CATSPERE: variants seen among roughly 807,000 people sequenced by gnomAD.
CATSPERE encodes cation channel sperm-associated auxiliary subunit epsilon.
In CATSPERE, 93 loss-of-function variants were observed where a neutral mutation model predicts 114.1. The observed-to-expected ratio is 0.81, with a 90% CI of 0.69 to 0.97. CATSPERE has a LOEUF of 0.97. Ranked by LOEUF, CATSPERE falls within the 50% of genes least tolerant of loss-of-function variation. The pLI is 0.00. For missense variants in CATSPERE, 1,058 were observed against 1,131.6 expected (o/e 0.93, Z 0.93); for synonymous variants, 341 against 384.1 (o/e 0.89, Z 1.31).
At chr1:244,469,092 G>A (rs546170052) in intron 2 of CATSPERE, among the ~76,000 whole-genome samples, 55 of 152,292 alleles carry the variant, frequency 3.6e-4, no homozygotes, top group African/African-American at 1.2e-3. Context: ...GGTAAGCATA[G>A]TGGGAACTTT....
chr1:244,608,816 C>G (rs1325208094), intron 18 of CATSPERE, among the ~76,000 whole-genome samples: 1 of 152,070 alleles, frequency 6.6e-6, no homozygotes, highest in Admixed American at 6.6e-5. Flanking sequence ...TCTCATTTTT[C>G]CCAGTATTAT....
At chr1:244,513,935 G>C (rs1009966594) in intron 7 of CATSPERE, among the ~76,000 whole-genome samples, 2 of 152,140 alleles carry the variant, frequency 1.3e-5, no homozygotes, top group African/African-American at 4.8e-5. Flanking sequence ...TTTTTAATTA[G>C]GTTGTTTGGT....
chr1:244,521,913 A>G (rs1469534906), intron 8 of CATSPERE, among the ~76,000 whole-genome samples: 1 of 146,488 alleles, frequency 6.8e-6, no homozygotes, highest in Non-Finnish European at 1.5e-5. Flanking sequence ...TGAGACTGTC[A>G]ACATTAGATC....
At chr1:244,500,405 A>G (rs1673846614) in intron 7 of CATSPERE, among the ~76,000 whole-genome samples, 1 of 152,146 alleles carries the variant, frequency 6.6e-6, no homozygotes, top group Admixed American at 6.5e-5. Context: ...TGTTTTAGTC[A>G]TGAAGTCTTT....
chr1:244,610,490 CT>C, intron 19 of CATSPERE, 164 bp downstream of exon 19: 1 of 699,670 alleles, frequency 1.4e-6, no homozygotes, highest in South Asian at 1.5e-5. Context: ...AATGCTTCAT[CT>C]TAATTTCTGT....
At chr1:244,619,600 T>C (rs1022937138) in intron 20 of CATSPERE, among the ~76,000 whole-genome samples, 2 of 152,080 alleles carry the variant, frequency 1.3e-5, no homozygotes, top group Non-Finnish European at 2.9e-5. Flanking sequence ...CCGAATGCCA[T>C]GGGGACAAGA....
intron 8 of CATSPERE, among the ~76,000 whole-genome samples, 183 bp from the exon 9 acceptor site, chr1:244,552,139 G>C (rs1258683065): frequency 6.6e-6 from 1 of 150,386 alleles, no homozygotes; most frequent in Non-Finnish European, 1.5e-5. Flanking sequence ...AGTCAAGATT[G>C]TGTTCCTTTG....
chr1:244,514,713 C>T (rs970697922), intron 7 of CATSPERE, among the ~76,000 whole-genome samples: 2 of 151,500 alleles, frequency 1.3e-5, no homozygotes, highest in Non-Finnish European at 2.9e-5. Flanking sequence ...CCTGTAGTCC[C>T]AGCTACTCAG....
intron 20 of CATSPERE, among the ~76,000 whole-genome samples, chr1:244,629,570 C>T (rs1673660637): frequency 8.0e-6 from 1 of 125,550 alleles, no homozygotes; most frequent in Non-Finnish European, 1.6e-5. Flanking sequence ...TGGTCTTGAA[C>T]TCCTTGCCTC....
chr1:244,592,070 C>T (rs984504961), intron 15 of CATSPERE, among the ~76,000 whole-genome samples: 1 of 152,046 alleles, frequency 6.6e-6, no homozygotes. Flanking sequence ...TGACTGAAGC[C>T]GGGTACAGTG....
At chr1:244,588,340 C>A (rs1667291439) in intron 13 of CATSPERE, 142 bp from the exon 14 acceptor site, 1 of 540,624 alleles carries the variant, frequency 1.8e-6, no homozygotes, top group Non-Finnish European at 3.3e-6. Context: ...AGGAAGAAAA[C>A]AGTGCAGAGC....
At position 244,610,315 on chromosome 1, in the gene CATSPERE, T is replaced by G. The variant is rs1670537925; in HGVS notation, c.2479T>G (p.Trp827Gly). The change falls in exon 19 of 22, where the codon TGG becomes GGG. Residue 827 changes from tryptophan to glycine, a missense_variant. Physicochemically the swap from Trp to Gly is radical, Grantham distance 184. Transcript: ENST00000366534. ...LNKHLPLEEV[W>G]GPENYKHCFS... Reference sequence around the variant, plus strand: ...CAAGCACCTCCCACTAGAAGAAGTCTGGGGACCTGAGGTAAGAGAAACATT... The same window carrying G: ...CAAGCACCTCCCACTAGAAGAAGTCGGGGGACCTGAGGTAAGAGAAACATT... The G allele has an allele frequency of 6.2e-7, 1 of 1,610,250 alleles. No homozygotes were observed. Among genetic ancestry groups the G allele is most frequent in the Non-Finnish European group, 8.5e-7 (1 of 1,176,680 alleles).
intron 8 of CATSPERE, among the ~76,000 whole-genome samples, chr1:244,531,755 A>C (rs534015501): frequency 4.6e-5 from 7 of 152,166 alleles, no homozygotes; most frequent in Non-Finnish European, 1.0e-4. Flanking sequence ...AGATTTTTGC[A>C]TTAGTCTTCA....
intron 2 of CATSPERE, among the ~76,000 whole-genome samples, chr1:244,472,562 C>T (rs1668667623): frequency 6.6e-6 from 1 of 152,066 alleles, no homozygotes; most frequent in South Asian, 2.1e-4. Context: ...CCAGTTTGCC[C>T]TATTACTGAC....
intron 8 of CATSPERE, among the ~76,000 whole-genome samples, chr1:244,548,985 G>T (rs1660186059): frequency 6.6e-6 from 1 of 152,152 alleles, no homozygotes; most frequent in Non-Finnish European, 1.5e-5. Context: ...GGCTCCTCAT[G>T]GCTCTGAGTC....
In CATSPERE at chr1:244,477,554, A is replaced by G. The variant is rs1216210655; in HGVS notation, c.128A>G (p.Tyr43Cys). The change falls in exon 3 of 22, where the codon TAT becomes TGT. Residue 43 changes from tyrosine (Y) to cysteine (C), a missense_variant. By Grantham distance (194) the Tyr-to-Cys change is radical (BLOSUM62 -2). Coordinates refer to ENST00000366534, the MANE Select transcript of CATSPERE (RefSeq NM_001130957.2). ...FSTRSTIKLE[Y>C]EGTLFTEWSV... Reference sequence around the variant, plus strand: ...TTTCTTTTTTAGATTAAGTTAGAGTATGAAGGAACATTATTTACTGAGTGG... The same window carrying G: ...TTTCTTTTTTAGATTAAGTTAGAGTGTGAAGGAACATTATTTACTGAGTGG... 3 of 1,590,554 alleles carry G rather than the reference A, an allele frequency of 1.9e-6. No homozygotes were observed. In the African/African-American group the frequency reaches 4.0e-5, roughly 21 times the overall value.
At chr1:244,516,710 C>T (rs1430819039) in intron 7 of CATSPERE, among the ~76,000 whole-genome samples, 1 of 151,246 alleles carries the variant, frequency 6.6e-6, no homozygotes, top group Admixed American at 6.6e-5. Flanking sequence ...TTAGTAGAGA[C>T]AGAGTTTCAC....
At chr1:244,519,469 T>C (rs1677169316) in intron 8 of CATSPERE, among the ~76,000 whole-genome samples, 2 of 152,206 alleles carry the variant, frequency 1.3e-5, no homozygotes, top group South Asian at 4.1e-4. Context: ...GGGCCACTGC[T>C]GTGTGGAGTG....
chr1:244,637,972 C>G (rs1573142279), intron 21 of CATSPERE, among the ~76,000 whole-genome samples: 1 of 152,324 alleles, frequency 6.6e-6, no homozygotes, highest in South Asian at 2.1e-4. Flanking sequence ...TATTATTCCT[C>G]CTTTTTAAAT....
Sources: gnomAD v4.1 joint callset for allele counts (sites outside exome capture counted in the v4.1 genomes callset) on GRCh38, gnomAD v4.1.1 for gene constraint, MANE v1.5 for transcripts, NCBI Gene and HGNC (gene_info 2026-07-23, HGNC 2026-07-21) for gene names.